JMY: variants seen among roughly 807,000 people sequenced by gnomAD.
JMY encodes junction-mediating and -regulatory protein.
JMY carries 46 observed loss-of-function variants against 103.3 expected under a neutral mutation model. The ratio of observed to expected loss-of-function variants is 0.45; its 90% CI spans 0.35 to 0.57. JMY has a LOEUF of 0.57. Among genes scored for constraint, JMY ranks in the 20% least tolerant of loss-of-function variants. The pLI is 0.00. For synonymous variants in JMY, 526 were observed against 489.3 expected, an observed-to-expected ratio of 1.07 and a Z score of -0.99; for missense variants, 1,238 against 1,255.2, an observed-to-expected ratio of 0.99 and a Z score of 0.21.
At chr5:79,288,626 C>T (rs529887449) in intron 2 of JMY, among the ~76,000 whole-genome samples, 15 of 152,246 alleles carry the variant, frequency 9.9e-5, no homozygotes, top group Non-Finnish European at 2.2e-4. Flanking sequence ...CAGATTTCTA[C>T]ACCTGATGCT....
In JMY at chr5:79,314,634, C is replaced by CCCCCCCA; in HGVS notation, c.2444_2445insCCCCACC (p.Pro817ThrfsTer16). ...CTCTTCCTCCAACACCACCACCTCCCCCACCTCCTCCCCCTCCCCCACCAC... is the reference window on the plus strand; with the variant it reads ...CTCTTCCTCCAACACCACCACCTCCCCCCCCCACCACCTCCTCCCCCTCCCCCACCAC... On this transcript the variant is annotated frameshift_variant, in exon 9 of 11. Transcript: ENST00000396137. LOFTEE classifies it high-confidence loss of function. 1 of 1,492,468 alleles carries CCCCCCCA rather than the reference C, an allele frequency of 6.7e-7. No individual in the cohort carries two copies. The highest frequency in any genetic ancestry group is 9.3e-7 in the Non-Finnish European group (1 of 1,080,884). The allele number at this position is 1,492,468 out of a possible 1,614,324, so 92.5% of individuals were successfully genotyped here.
In JMY at chr5:79,290,290, T is replaced by G; in HGVS notation, c.1357+19T>G. 1 of 1,458,004 alleles carries G rather than the reference T, an allele frequency of 6.9e-7. No homozygotes were observed. Among genetic ancestry groups the G allele is most frequent in the East Asian group, 2.5e-5 (1 of 40,720 alleles). 90.3% of individuals were successfully genotyped at this position (1,458,004 alleles called of 1,614,324 possible). ...CAAAAAGGTAGGTTTCTCAGTAAAT[T>G]TATCCTTTAGGTATTTTTGAAAATG... On this transcript the variant is annotated intron_variant, in intron 3 of 10. Coordinates refer to ENST00000396137, the MANE Select transcript of JMY (RefSeq NM_152405.5).
intron 4 of JMY, among the ~76,000 whole-genome samples, chr5:79,292,666 T>C (rs2112099939): frequency 6.6e-6 from 1 of 152,250 alleles, no homozygotes; most frequent in Non-Finnish European, 1.5e-5. Flanking sequence ...CACTGAGTTA[T>C]TCTGTCAGTG....
intron 1 of JMY, among the ~76,000 whole-genome samples, chr5:79,269,962 C>T (rs1281681068): frequency 6.6e-6 from 1 of 151,936 alleles, no homozygotes; most frequent in African/African-American, 2.4e-5. Flanking sequence ...AACTCCTGGG[C>T]TGAAGTGATT....
chr5:79,265,395 C>G (rs1246808259), intron 1 of JMY, among the ~76,000 whole-genome samples: 1 of 152,128 alleles, frequency 6.6e-6, no homozygotes, highest in Non-Finnish European at 1.5e-5. Context: ...AATGTATACA[C>G]TTATCACTTG....
At chr5:79,242,119 G>T (rs1351983830) in intron 1 of JMY, among the ~76,000 whole-genome samples, 1 of 152,166 alleles carries the variant, frequency 6.6e-6, no homozygotes, top group Non-Finnish European at 1.5e-5. Context: ...TGTTTATAAA[G>T]ATGTGCTCAA....
intron 2 of JMY, among the ~76,000 whole-genome samples, chr5:79,285,317 A>G (rs893595186): frequency 6.6e-6 from 1 of 151,898 alleles, no homozygotes; most frequent in Admixed American, 6.6e-5. Context: ...CCATCAAACA[A>G]ATTAGGAAAG....
In JMY at chr5:79,249,690, T is replaced by G. The variant is rs1237336104; in HGVS notation, c.1032+12008T>G. The stretch of plus-strand genomic sequence containing the variant: ...TCAAAATTGAGTAATGTTTTTCTCT[T>G]TTCATTTTGTCTAACTGCACCATTC... On this transcript the variant is annotated intron_variant, in intron 1 of 10. Transcript: ENST00000396137. Among the ~76,000 whole-genome samples the G allele has an allele frequency of 3.9e-5, 6 of 152,360 alleles. No homozygotes were observed. In the East Asian group the frequency reaches 1.2e-3, roughly 29 times the overall value.
At chr5:79,240,585 A>T (rs1344265858) in intron 1 of JMY, among the ~76,000 whole-genome samples, 6 of 152,232 alleles carry the variant, frequency 3.9e-5, no homozygotes, top group South Asian at 4.1e-4. Context: ...CTAGGATTAC[A>T]GGCGTGAACC....
chr5:79,295,919 A>G (rs1470327593), intron 4 of JMY, among the ~76,000 whole-genome samples: 1 of 152,244 alleles, frequency 6.6e-6, no homozygotes, highest in Non-Finnish European at 1.5e-5. Context: ...TGTTTTCACC[A>G]TATGAATTCT....
chr5:79,252,598 C>T (rs375284188), intron 1 of JMY, among the ~76,000 whole-genome samples: 1 of 152,214 alleles, frequency 6.6e-6, no homozygotes, highest in East Asian at 1.9e-4. Context: ...TGAGGCCTCT[C>T]TCTCTTTAGC....
rs913368415 is a variant in JMY at position 79,325,804 on chromosome 5, G to A, written c.*4202G>A. On this transcript the variant is annotated 3_prime_UTR_variant, in exon 11 of 11. Coordinates refer to ENST00000396137, the MANE Select transcript of JMY (RefSeq NM_152405.5). ...TAATTTAAAAGTTTTCCTACAAAGT[G>A]AGTTTATATTGTTGCCTAAACTATG... 2 of 152,116 alleles carry A rather than the reference G, an allele frequency of 1.3e-5. No homozygotes were observed. Among genetic ancestry groups the A allele is most frequent in the Non-Finnish European group, 2.9e-5 (2 of 68,010 alleles). 9.4% of individuals were successfully genotyped at this position (152,116 alleles called of 1,614,324 possible). A position where few individuals can be genotyped will look rare whatever the true frequency, so the allele number is the denominator to read the frequency against.
intron 1 of JMY, among the ~76,000 whole-genome samples, chr5:79,277,184 T>C (rs973218616): frequency 2.0e-5 from 3 of 152,226 alleles, no homozygotes; most frequent in African/African-American, 2.4e-5. Flanking sequence ...TTCACTACAC[T>C]GTAAGCTGTG....
In JMY at chr5:79,323,659, G is replaced by A. The variant is rs899837648; in HGVS notation, c.*2057G>A. ...CATTTATTCAAATTCAGAAAAATAC[G>A]GACGGATCTAATGTTAAATTAACCA... On this transcript the variant is annotated 3_prime_UTR_variant, in exon 11 of 11. Transcript: ENST00000396137. The A allele has an allele frequency of 2.0e-5, 3 of 151,966 alleles. No individual in the cohort carries two copies. The highest frequency in any genetic ancestry group is 1.9e-4 in the East Asian group (1 of 5,194). The allele number at this position is 151,966 out of a possible 1,614,324, so 9.4% of individuals were successfully genotyped here.
At chr5:79,307,938 T>C (rs1746936731) in intron 7 of JMY, among the ~76,000 whole-genome samples, 1 of 152,196 alleles carries the variant, frequency 6.6e-6, no homozygotes, top group Non-Finnish European at 1.5e-5. Context: ...GGTTTCACCA[T>C]GTTGGCCAGG....
intron 1 of JMY, among the ~76,000 whole-genome samples, chr5:79,271,064 T>G (rs1561298245): frequency 6.6e-6 from 1 of 152,072 alleles, no homozygotes; most frequent in Admixed American, 6.6e-5. Context: ...TAATGGGAGA[T>G]GTCAGTCTGT....
chr5:79,270,249 A>T (rs1044321322), intron 1 of JMY, among the ~76,000 whole-genome samples: 1 of 149,618 alleles, frequency 6.7e-6, no homozygotes, highest in African/African-American at 2.4e-5. Flanking sequence ...ACACCATTAA[A>T]TATAAATGCA....
chr5:79,278,384 A>G (rs1460503484), intron 2 of JMY, among the ~76,000 whole-genome samples: 1 of 151,804 alleles, frequency 6.6e-6, no homozygotes, highest in Non-Finnish European at 1.5e-5. Flanking sequence ...CCTTTCCTGC[A>G]CTTTCCTTCC....
At chr5:79,254,249 G>A (rs985179824) in intron 1 of JMY, among the ~76,000 whole-genome samples, 2 of 151,854 alleles carry the variant, frequency 1.3e-5, no homozygotes, top group Non-Finnish European at 2.9e-5. Flanking sequence ...GAGCCATCAC[G>A]CCCCAGCTTG....
Sources: gnomAD v4.1 joint callset for allele counts (sites outside exome capture counted in the v4.1 genomes callset) on GRCh38, gnomAD v4.1.1 for gene constraint, MANE v1.5 for transcripts, NCBI Gene and HGNC (gene_info 2026-07-23, HGNC 2026-07-21) for gene names.